Variants in GABRG3 observed in about 807,000 individuals in gnomAD.
GABRG3 encodes the protein gamma-aminobutyric acid receptor subunit gamma-3.
Under a neutral mutation model 48.8 loss-of-function variants are expected in GABRG3, and 25 were observed. The ratio of observed to expected loss-of-function variants is 0.51; its 90% CI spans 0.37 to 0.72. The LOEUF (loss-of-function observed/expected upper bound fraction) is 0.72, where lower values mean the gene tolerates loss of function less well. Ranked by LOEUF, GABRG3 falls within the 30% of genes least tolerant of loss-of-function variation. The pLI is 0.00. For synonymous variants in GABRG3, 227 were observed against 217.6 expected (o/e 1.04, Z -0.38); for missense variants, 394 against 577.9 (o/e 0.68, Z 3.26).
chr15:27,292,788 A>G (rs1346590076), intron 3 of GABRG3, among the ~76,000 whole-genome samples: 1 of 152,226 alleles, frequency 6.6e-6, no homozygotes, highest in African/African-American at 2.4e-5. Context: ...TACTATAGCT[A>G]CCAGGATGCA....
intron 3 of GABRG3, among the ~76,000 whole-genome samples, chr15:27,322,079 T>C (rs954797672): frequency 2.0e-5 from 3 of 152,218 alleles, no homozygotes; most frequent in Admixed American, 6.5e-5. Context: ...TATTTTCAGA[T>C]AGACATTGTA....
intron 6 of GABRG3, among the ~76,000 whole-genome samples, chr15:27,502,952 G>A (rs935361293): frequency 6.6e-6 from 1 of 152,168 alleles, no homozygotes; most frequent in Non-Finnish European, 1.5e-5. Context: ...CGGCCATCTG[G>A]AAGTGCTCAG....
intron 6 of GABRG3, among the ~76,000 whole-genome samples, chr15:27,518,038 T>G (rs1276676313): frequency 3.3e-5 from 5 of 152,048 alleles, no homozygotes; most frequent in African/African-American, 1.2e-4. Flanking sequence ...ACCATCTCCC[T>G]GTCAATCTTT....
chr15:26,983,231 A>ATC (rs1491218775), intron 2 of GABRG3, among the ~76,000 whole-genome samples: 2 of 151,728 alleles, frequency 1.3e-5, no homozygotes, highest in Admixed American at 6.6e-5. Context: ...GGTGCAGTGA[A>ATC]CTTATATGTA....
chr15:27,355,667 C>T (rs578132177), intron 5 of GABRG3, among the ~76,000 whole-genome samples: 1 of 152,288 alleles, frequency 6.6e-6, no homozygotes, highest in South Asian at 2.1e-4. Context: ...AAAACTTGTA[C>T]ATGAATGTGC....
Position 27,172,230 on chromosome 15 carries a change from G to T in GABRG3, c.270+145409G>T, listed in dbSNP as rs514081. Reference sequence around the variant, plus strand: ...TGGAGCAAAAATGTGATATGACGGGGCTAGGACAGTGTGGACAGGTGCATG... The same window carrying T: ...TGGAGCAAAAATGTGATATGACGGGTCTAGGACAGTGTGGACAGGTGCATG... On this transcript the variant is annotated intron_variant, in intron 3 of 9. Transcript: ENST00000615808. Among the ~76,000 whole-genome samples, 1,428 of 152,272 alleles carry T rather than the reference G, an allele frequency of 9.4e-3. 25 individuals are homozygous for T. The highest frequency in any genetic ancestry group is 0.032 in the African/African-American group (1,349 of 41,554).
intron 3 of GABRG3, among the ~76,000 whole-genome samples, chr15:27,269,150 G>A (rs1039500231): frequency 3.9e-5 from 6 of 152,036 alleles, no homozygotes; most frequent in Admixed American, 1.3e-4. Context: ...CTACTGCATC[G>A]CCTCTCCACT....
At chr15:27,245,025 C>T (rs1890229571) in intron 3 of GABRG3, among the ~76,000 whole-genome samples, 1 of 152,194 alleles carries the variant, frequency 6.6e-6, no homozygotes, top group African/African-American at 2.4e-5. Flanking sequence ...CTGCAGACAT[C>T]TCACGGGTCG....
At chr15:27,398,440 T>C (rs181456787) in intron 5 of GABRG3, among the ~76,000 whole-genome samples, 3 of 152,316 alleles carry the variant, frequency 2.0e-5, no homozygotes, top group East Asian at 3.9e-4. Flanking sequence ...CAAATATATG[T>C]ATTCATACGT....
chr15:27,061,859 A>T (rs958675553), intron 3 of GABRG3, among the ~76,000 whole-genome samples: 4 of 152,040 alleles, frequency 2.6e-5, no homozygotes, highest in Non-Finnish European at 5.9e-5. Context: ...CCCGTGTGGA[A>T]ATCCTGCTGT....
intron 5 of GABRG3, among the ~76,000 whole-genome samples, chr15:27,448,110 C>T (rs1020838085): frequency 6.8e-6 from 1 of 146,966 alleles, no homozygotes; most frequent in Non-Finnish European, 1.5e-5. Context: ...TTAAGTAAAA[C>T]ACCAAACACG....
intron 5 of GABRG3, among the ~76,000 whole-genome samples, chr15:27,440,143 C>G (rs1201276686): frequency 1.3e-5 from 2 of 152,178 alleles, no homozygotes; most frequent in East Asian, 3.9e-4. Context: ...CCCTTTCCCC[C>G]ATCCCCAACA....
chr15:27,217,144 A>G (rs914370643), intron 3 of GABRG3, among the ~76,000 whole-genome samples: 5 of 151,912 alleles, frequency 3.3e-5, no homozygotes, highest in Non-Finnish European at 5.9e-5. Flanking sequence ...TCCATGGTGT[A>G]TATGTGCCAC....
chr15:27,524,545 A>G (rs1891230703), intron 7 of GABRG3, among the ~76,000 whole-genome samples: 1 of 152,176 alleles, frequency 6.6e-6, no homozygotes, highest in South Asian at 2.1e-4. Context: ...ACTTGATGTA[A>G]TTACTAAACT....
chr15:27,232,467 A>G (rs1889828945), intron 3 of GABRG3, among the ~76,000 whole-genome samples: 1 of 152,156 alleles, frequency 6.6e-6, no homozygotes, highest in Non-Finnish European at 1.5e-5. Context: ...CCATGTCTCC[A>G]TGAATAAAGT....
chr15:27,100,876 A>T (rs548860981), intron 3 of GABRG3, among the ~76,000 whole-genome samples: 1 of 152,228 alleles, frequency 6.6e-6, no homozygotes, highest in Non-Finnish European at 1.5e-5. Flanking sequence ...GGTAGCATCA[A>T]ACTTGATGGT....
chr15:27,349,603 G>A (rs2140534741), intron 5 of GABRG3, among the ~76,000 whole-genome samples: 1 of 152,280 alleles, frequency 6.6e-6, no homozygotes, highest in East Asian at 1.9e-4. Flanking sequence ...GAATCTTCCA[G>A]CAAGAGAACA....
At position 27,519,733 on chromosome 15, in the gene GABRG3, C is replaced by G. The variant is rs1055780877; in HGVS notation, c.713-239C>G. 4.6e-5 allele frequency among the ~76,000 whole-genome samples: 7 copies of G among 152,212 alleles called. No homozygotes were observed. In the South Asian group the frequency reaches 1.5e-3, roughly 32 times the overall value. On this transcript the variant is annotated intron_variant, in intron 6 of 9. Transcript: ENST00000615808. ...GATCTGCATGTGTTCTCACTCTATC[C>G]GTGAATATGTTCGTTTTGTGCCCTT...
At chr15:27,174,238 G>A (rs1202811966) in intron 3 of GABRG3, among the ~76,000 whole-genome samples, 1 of 152,182 alleles carries the variant, frequency 6.6e-6, no homozygotes, top group Non-Finnish European at 1.5e-5. Flanking sequence ...AGTGCATTTG[G>A]TGATACCCAC....
Sources: gnomAD v4.1 joint callset for allele counts (sites outside exome capture counted in the v4.1 genomes callset) on GRCh38, gnomAD v4.1.1 for gene constraint, MANE v1.5 for transcripts, NCBI Gene and HGNC (gene_info 2026-07-23, HGNC 2026-07-21) for gene names.